The following MYBL1 variants were observed in gnomAD, a reference collection of about 807,000 sequenced individuals.
The protein encoded by MYBL1 is myb-related protein A.
MYBL1 carries 17 observed loss-of-function variants against 96.3 expected under a neutral mutation model. The ratio of observed to expected loss-of-function variants is 0.18; its 90% CI spans 0.12 to 0.26. MYBL1 has a LOEUF of 0.26. MYBL1 is among the 10% of genes least tolerant of loss of function. MYBL1 has a pLI of 1.00. For synonymous variants in MYBL1, 282 were observed against 292.7 expected (o/e 0.96, Z 0.37); for missense variants, 701 against 882.9 (o/e 0.79, Z 2.61).
intron 2 of MYBL1, among the ~76,000 whole-genome samples, chr8:66,602,002 AT>A (rs1810091906): frequency 6.6e-6 from 1 of 152,102 alleles, no homozygotes; most frequent in South Asian, 2.1e-4. Context: ...TTTGATGCAT[AT>A]CTTTTCTCAT....
intron 12 of MYBL1, among the ~76,000 whole-genome samples, chr8:66,569,442 C>T (rs1164134534): frequency 1.3e-5 from 2 of 151,894 alleles, no homozygotes; most frequent in South Asian, 2.1e-4. Context: ...CTCTACCTCC[C>T]AGGGTCAAGC....
At chr8:66,589,639 C>A (rs1359669085) in intron 8 of MYBL1, among the ~76,000 whole-genome samples, 1 of 152,040 alleles carries the variant, frequency 6.6e-6, no homozygotes, top group Admixed American at 6.6e-5. Flanking sequence ...TGCCACCATG[C>A]CTATCTATTT....
chr8:66,610,013 G>T (rs960280788), intron 1 of MYBL1, among the ~76,000 whole-genome samples: 2 of 151,926 alleles, frequency 1.3e-5, no homozygotes, highest in African/African-American at 4.8e-5. Context: ...TATTTCAAGA[G>T]CTGGCTTTTA....
chr8:66,575,344 A>T (rs1263014306), intron 10 of MYBL1, among the ~76,000 whole-genome samples: 1 of 152,246 alleles, frequency 6.6e-6, no homozygotes, highest in Non-Finnish European at 1.5e-5. Context: ...TCTATCGAAC[A>T]GTAGTCAGTC....
Position 66,613,165 on chromosome 8 carries a change from G to A in MYBL1, c.-327C>T, listed in dbSNP as rs898799417. ...GCCTCCCTGCCCTGGCCCCAGCCCG[G>A]CTCCGCCACAGGCGCCCGACCCCTG... On this transcript the variant is annotated 5_prime_UTR_variant, in exon 1 of 16. Transcript: ENST00000522677. 1 of 400,952 alleles carries A rather than the reference G, an allele frequency of 2.5e-6. No homozygotes were observed. The highest frequency in any genetic ancestry group is 4.4e-6 in the Non-Finnish European group (1 of 226,744). The allele number at this position is 400,952 out of a possible 1,614,324, so 24.8% of individuals were successfully genotyped here.
intron 8 of MYBL1, among the ~76,000 whole-genome samples, chr8:66,583,465 AT>A (rs1296710953): frequency 6.6e-6 from 1 of 152,082 alleles, no homozygotes; most frequent in Admixed American, 6.6e-5. Flanking sequence ...AAAATAAATA[AT>A]AAAAATCAAA....
chr8:66,575,955 T>C (rs1808921641), intron 10 of MYBL1, 52 bp downstream of exon 10: 1 of 1,542,916 alleles, frequency 6.5e-7, no homozygotes, highest in South Asian at 1.3e-5. Flanking sequence ...AAAGATCTAA[T>C]TTAATGTAAC....
At chr8:66,579,983 T>G in intron 9 of MYBL1, 150 bp downstream of exon 9, 1 of 559,978 alleles carries the variant, frequency 1.8e-6, no homozygotes, top group East Asian at 2.8e-5. Flanking sequence ...ATTTAAACTT[T>G]TTTCCCCTAG....
At chr8:66,578,434 A>G (rs901810079) in intron 9 of MYBL1, among the ~76,000 whole-genome samples, 11 of 152,264 alleles carry the variant, frequency 7.2e-5, no homozygotes, top group Non-Finnish European at 1.6e-4. Flanking sequence ...ATCAACAGAC[A>G]CTTCTCAAAA....
chr8:66,601,177 CAAAAAAAAA>C (rs1167336780), intron 3 of MYBL1, among the ~76,000 whole-genome samples: 1 of 13,912 alleles, frequency 7.2e-5, no homozygotes, highest in East Asian at 2.2e-3. Context: ...AACTCCGTCT[CAAAAAAAAA>C]AAAAAAAAAA....
intron 8 of MYBL1, among the ~76,000 whole-genome samples, chr8:66,580,900 G>A (rs1183645392): frequency 6.8e-6 from 1 of 147,028 alleles, no homozygotes; most frequent in Non-Finnish European, 1.5e-5. Flanking sequence ...TCACTCAGTT[G>A]CCCAGGCTGG....
At chr8:66,576,428 G>C in intron 9 of MYBL1, 53 bp from the exon 10 acceptor site, 1 of 1,511,754 alleles carries the variant, frequency 6.6e-7, no homozygotes, top group African/African-American at 1.4e-5. Flanking sequence ...AGTTAAATCT[G>C]CTCTTGAACA....
At chr8:66,585,347 T>C (rs1809373466) in intron 8 of MYBL1, among the ~76,000 whole-genome samples, 1 of 152,068 alleles carries the variant, frequency 6.6e-6, no homozygotes, top group African/African-American at 2.4e-5. Flanking sequence ...TCCCTATCTC[T>C]CACCATATTA....
chr8:66,608,616 C>T (rs1429810694), intron 1 of MYBL1, among the ~76,000 whole-genome samples: 1 of 152,134 alleles, frequency 6.6e-6, no homozygotes, highest in African/African-American at 2.4e-5. Flanking sequence ...CAATATCCCA[C>T]TTTCACCATT....
At chr8:66,611,055 CCTTT>C (rs991778679) in intron 1 of MYBL1, among the ~76,000 whole-genome samples, 1 of 152,172 alleles carries the variant, frequency 6.6e-6, no homozygotes, top group African/African-American at 2.4e-5. Flanking sequence ...AGTTGTTTCT[CCTTT>C]CTTTGTCCAT....
rs191281270 is a variant in MYBL1 at position 66,568,939 on chromosome 8, G to A, written c.1729-1947C>T. Among the ~76,000 whole-genome samples, 237 of 152,174 alleles carry A rather than the reference G, an allele frequency of 1.6e-3. 1 individual carries two copies. Among genetic ancestry groups the A allele is most frequent in the African/African-American group, 5.5e-3 (228 of 41,516 alleles). ...CTTGGGAAGCTGAGGCAGGAGAATC[G>A]CTTGAAACTAGAAGGCAGAGGTTGC... On this transcript the variant is annotated intron_variant, in intron 12 of 15. Coordinates refer to ENST00000522677, the MANE Select transcript of MYBL1 (RefSeq NM_001080416.4).
At chr8:66,590,393 CA>C (rs1809590584) in intron 8 of MYBL1, among the ~76,000 whole-genome samples, 1 of 151,912 alleles carries the variant, frequency 6.6e-6, no homozygotes, top group Non-Finnish European at 1.5e-5. Flanking sequence ...CCAAGGTGGG[CA>C]AATCACTTGA....
chr8:66,564,487 T>C lies in MYBL1; in HGVS notation c.*210A>G, dbSNP rs1197213731. The C allele has an allele frequency of 6.1e-6, 2 of 329,652 alleles. No homozygotes were observed. Among genetic ancestry groups the C allele is most frequent in the East Asian group, 9.5e-5 (2 of 21,136 alleles). 20.4% of individuals were successfully genotyped at this position (329,652 alleles called of 1,614,324 possible). On this transcript the variant is annotated 3_prime_UTR_variant, in exon 16 of 16. Transcript: ENST00000522677. Reference sequence around the variant, plus strand: ...GTTCTTTAAAAACAATTTTTAAAAATCTCATCTCTTAAAAAATAAACTATG... The same window carrying C: ...GTTCTTTAAAAACAATTTTTAAAAACCTCATCTCTTAAAAAATAAACTATG...
intron 8 of MYBL1, 132 bp downstream of exon 8, chr8:66,592,308 A>T (rs950442030): frequency 6.5e-6 from 4 of 619,978 alleles, no homozygotes; most frequent in Non-Finnish European, 1.1e-5. Flanking sequence ...GTTGCAAATT[A>T]AAAAAAAACA....
Sources: gnomAD v4.1 joint callset for allele counts (sites outside exome capture counted in the v4.1 genomes callset) on GRCh38, gnomAD v4.1.1 for gene constraint, MANE v1.5 for transcripts, NCBI Gene and HGNC (gene_info 2026-07-23, HGNC 2026-07-21) for gene names.